ASTN2: variants seen among roughly 807,000 people sequenced by gnomAD.
The protein encoded by ASTN2 is astrotactin 2, also known as astrotactin-2.
A neutral mutation model predicts 139.8 loss-of-function variants in ASTN2; 54 were observed. The observed-to-expected ratio is 0.39, with a 90% CI of 0.31 to 0.48. The LOEUF (loss-of-function observed/expected upper bound fraction) is 0.48, where lower values mean the gene tolerates loss of function less well. Among genes scored for constraint, ASTN2 ranks in the 20% least tolerant of loss-of-function variants. ASTN2 has a pLI of 0.95. For missense variants in ASTN2, 1,565 were observed against 1,725.1 expected (o/e 0.91, Z 1.64); for synonymous variants, 756 against 719.5 (o/e 1.05, Z -0.81).
chr9:116,634,120 C>A (rs1856940824), intron 17 of ASTN2, among the ~76,000 whole-genome samples: 1 of 152,046 alleles, frequency 6.6e-6, no homozygotes, highest in Non-Finnish European at 1.5e-5. Context: ...TCACTTTCTG[C>A]CTGTATAAAA....
intron 19 of ASTN2, chr9:116,582,430 A>C (rs1853986847): frequency 6.6e-6 from 1 of 152,248 alleles, no homozygotes; most frequent in Non-Finnish European, 1.5e-5. Flanking sequence ...GCCACATACT[A>C]ATGTCCATAG....
At chr9:116,669,114 C>T (rs1053550088) in intron 16 of ASTN2, among the ~76,000 whole-genome samples, 1 of 152,180 alleles carries the variant, frequency 6.6e-6, no homozygotes, top group East Asian at 1.9e-4. Context: ...GACATGTCCA[C>T]CAGTGTGCCA....
At chr9:116,905,866 T>TTTTTTGG (rs1564333913) in intron 10 of ASTN2, among the ~76,000 whole-genome samples, 1 of 32,628 alleles carries the variant, frequency 3.1e-5, no homozygotes, top group Non-Finnish European at 8.4e-5. Context: ...TTTTTTTTTT[T>TTTTTTGG]GGGGGGGGGT....
At chr9:116,598,003 C>A (rs1023050571) in intron 19 of ASTN2, among the ~76,000 whole-genome samples, 7 of 152,172 alleles carry the variant, frequency 4.6e-5, no homozygotes, top group African/African-American at 1.7e-4. Flanking sequence ...CTCTTACAAT[C>A]TTGCCTTCAT....
intron 16 of ASTN2, among the ~76,000 whole-genome samples, chr9:116,679,089 AAGTCTCCTCT>A (rs1284190739): frequency 1.3e-5 from 2 of 152,170 alleles, no homozygotes; most frequent in African/African-American, 4.8e-5. Context: ...TTGGAAAGCT[AAGTCTCCTCT>A]ATCAGAGTAA....
At chr9:116,816,143 G>A (rs1831321131) in intron 12 of ASTN2, among the ~76,000 whole-genome samples, 3 of 152,020 alleles carry the variant, frequency 2.0e-5, no homozygotes, top group African/African-American at 7.3e-5. Context: ...TATATGAATA[G>A]CCTTTTAAAA....
chr9:116,748,612 C>T lies in ASTN2; in HGVS notation c.2397-15089G>A, dbSNP rs547819731. On this transcript the variant is annotated intron_variant, in intron 13 of 22. Coordinates refer to ENST00000313400, the MANE Select transcript of ASTN2 (RefSeq NM_001365068.1). ...GGGCAAGGCCTGGACTCCATTCATA[C>T]CATTGGTATCTCATGGGTCTAGAAT... 4.6e-5 allele frequency among the ~76,000 whole-genome samples: 7 copies of T among 152,322 alleles called. No individual in the cohort carries two copies. In the South Asian group the frequency reaches 1.5e-3, roughly 32 times the overall value.
At chr9:116,711,254 T>TACTA (rs1828147532) in intron 16 of ASTN2, among the ~76,000 whole-genome samples, 1 of 152,234 alleles carries the variant, frequency 6.6e-6, no homozygotes, top group African/African-American at 2.4e-5. Flanking sequence ...ATTTAATATG[T>TACTA]ACTACAACTA....
At chr9:116,757,783 T>C (rs535655360) in intron 13 of ASTN2, among the ~76,000 whole-genome samples, 1 of 152,306 alleles carries the variant, frequency 6.6e-6, no homozygotes, top group African/African-American at 2.4e-5. Context: ...CCAGTAAAGA[T>C]GGCTGATTGG....
At chr9:117,326,322 T>C (rs1828517242) in intron 1 of ASTN2, among the ~76,000 whole-genome samples, 1 of 152,100 alleles carries the variant, frequency 6.6e-6, no homozygotes, top group African/African-American at 2.4e-5. Flanking sequence ...AAAAGAGGGT[T>C]TTGCCCAAAG....
intron 16 of ASTN2, among the ~76,000 whole-genome samples, chr9:116,679,842 C>T (rs957305289): frequency 2.0e-5 from 3 of 152,122 alleles, no homozygotes; most frequent in Non-Finnish European, 4.4e-5. Flanking sequence ...AAAGACACAA[C>T]ATACCAGAAT....
Position 116,454,501 on chromosome 9 carries a change from G to T in ASTN2, c.3498-11948C>A, listed in dbSNP as rs10983165. On this transcript the variant is annotated intron_variant, in intron 20 of 22. Coordinates refer to ENST00000313400, the MANE Select transcript of ASTN2 (RefSeq NM_001365068.1). ...GGAAGACAGTGTGGTGATTCCTCAAGGATCTAGAACTAGAAATACCATTTG... is the reference window on the plus strand; with the variant it reads ...GGAAGACAGTGTGGTGATTCCTCAATGATCTAGAACTAGAAATACCATTTG... 0.013 allele frequency among the ~76,000 whole-genome samples: 1,969 copies of T among 152,140 alleles called. 181 individuals carry two copies. The South Asian group carries it at 0.21, about 16-fold the overall frequency.
intron 10 of ASTN2, among the ~76,000 whole-genome samples, chr9:116,920,450 C>A (rs891157400): frequency 2.0e-5 from 3 of 152,226 alleles, no homozygotes; most frequent in Admixed American, 1.3e-4. Flanking sequence ...GGGCAACCAA[C>A]TTTCAGGGTC....
At chr9:116,972,358 T>G (rs771217063) in intron 10 of ASTN2, among the ~76,000 whole-genome samples, 8 of 152,224 alleles carry the variant, frequency 5.3e-5, no homozygotes, top group Non-Finnish European at 1.2e-4. Context: ...TGTGTTATTA[T>G]TCCATAATTT....
chr9:116,697,248 T>C, intron 16 of ASTN2: 1 of 162,502 alleles, frequency 6.2e-6, no homozygotes, highest in South Asian at 1.7e-4. Context: ...AATCATTAGC[T>C]CATTAGCATT....
At position 116,878,759 on chromosome 9, in the gene ASTN2, C is replaced by T. The variant is rs73518227; in HGVS notation, c.1890-15026G>A. 8.8e-3 allele frequency among the ~76,000 whole-genome samples: 1,333 copies of T among 151,940 alleles called. 29 individuals carry two copies. The highest frequency in any genetic ancestry group is 0.03 in the African/African-American group (1,227 of 41,432). On this transcript the variant is annotated intron_variant, in intron 10 of 22. Coordinates refer to ENST00000313400, the MANE Select transcript of ASTN2 (RefSeq NM_001365068.1). Reference sequence around the variant, plus strand: ...TTCACCCACCCCTCTTTCTCCTACCCTTTGCAAATCTCATCCTTATTTTGA... The same window carrying T: ...TTCACCCACCCCTCTTTCTCCTACCTTTTGCAAATCTCATCCTTATTTTGA...
At chr9:116,486,253 C>T (rs968099160) in intron 20 of ASTN2, among the ~76,000 whole-genome samples, 3 of 152,046 alleles carry the variant, frequency 2.0e-5, no homozygotes, top group Non-Finnish European at 2.9e-5. Flanking sequence ...CAGTGCTTAG[C>T]GCAGAACCAA....
intron 5 of ASTN2, among the ~76,000 whole-genome samples, chr9:117,086,628 C>A (rs1178491196): frequency 6.6e-6 from 1 of 152,114 alleles, no homozygotes; most frequent in Admixed American, 6.6e-5. Flanking sequence ...CCAGTGATTT[C>A]ATGACATCCT....
intron 10 of ASTN2, among the ~76,000 whole-genome samples, chr9:116,912,956 TG>T (rs1434449967): frequency 6.6e-6 from 1 of 152,140 alleles, no homozygotes; most frequent in Non-Finnish European, 1.5e-5. Context: ...TGGAGTGCAG[TG>T]GTGTGATCTC....
Sources: allele counts gnomAD v4.1 joint callset (sites outside exome capture counted in the v4.1 genomes callset), GRCh38; gene constraint gnomAD v4.1.1; transcripts MANE v1.5; gene names NCBI Gene and HGNC (gene_info 2026-07-23, HGNC 2026-07-21).